The following CALN1 variants were observed in gnomAD, a reference collection of about 807,000 sequenced individuals.
CALN1 encodes the protein calcium-binding protein 8.
CALN1 carries 17 observed loss-of-function variants against 30.6 expected under a neutral mutation model. That is an observed-to-expected ratio of 0.56 (90% CI 0.38 to 0.83). The LOEUF (loss-of-function observed/expected upper bound fraction) is 0.83, where lower values mean the gene tolerates loss of function less well. CALN1 is among the 40% of genes least tolerant of loss of function. The probability of loss-of-function intolerance (pLI) is 0.00; values close to 1 mark genes in which losing one functional copy is unlikely to be tolerated. For missense variants in CALN1, 291 were observed against 354.9 expected (o/e 0.82, Z 1.45); for synonymous variants, 156 against 131.4 (o/e 1.19, Z -1.28).
At chr7:71,872,329 C>A (rs747926393) in intron 5 of CALN1, among the ~76,000 whole-genome samples, 4 of 152,048 alleles carry the variant, frequency 2.6e-5, no homozygotes, top group Non-Finnish European at 5.9e-5. Flanking sequence ...ATTTTAAGAG[C>A]CAGAGTGTTT....
intron 5 of CALN1, among the ~76,000 whole-genome samples, chr7:71,925,494 G>GT (rs1214757565): frequency 1.5e-5 from 2 of 133,494 alleles, no homozygotes; most frequent in Non-Finnish European, 3.2e-5. Context: ...GGGTTTTTTT[G>GT]GTTTTTTTTT....
intron 4 of CALN1, among the ~76,000 whole-genome samples, chr7:72,099,215 G>A (rs1049915352): frequency 4.6e-5 from 7 of 151,486 alleles, no homozygotes; most frequent in African/African-American, 9.7e-5. Flanking sequence ...TGGGGTGTAC[G>A]GACCAGGAGG....
At chr7:71,946,629 T>C (rs1403330498) in intron 5 of CALN1, among the ~76,000 whole-genome samples, 2 of 150,408 alleles carry the variant, frequency 1.3e-5, no homozygotes, top group Non-Finnish European at 3.0e-5. Context: ...CTAAAAATGC[T>C]CAGATTACAG....
intron 5 of CALN1, among the ~76,000 whole-genome samples, chr7:71,851,718 T>C (rs1790658346): frequency 1.3e-5 from 2 of 151,824 alleles, no homozygotes; most frequent in African/African-American, 2.4e-5. Context: ...AACAAACAAG[T>C]AAGAGAGAGG....
chr7:72,302,356 T>C (rs1314153420), intron 2 of CALN1, among the ~76,000 whole-genome samples: 2 of 152,198 alleles, frequency 1.3e-5, no homozygotes, highest in African/African-American at 4.8e-5. Context: ...AACGTTTTAA[T>C]GAATGGCGAT....
At chr7:72,235,396 T>C (rs1794407697) in intron 3 of CALN1, among the ~76,000 whole-genome samples, 1 of 152,220 alleles carries the variant, frequency 6.6e-6, no homozygotes, top group East Asian at 1.9e-4. Flanking sequence ...AGTATTGTCC[T>C]GGGTGCATTT....
intron 4 of CALN1, among the ~76,000 whole-genome samples, chr7:72,079,761 C>CT (rs3065015): frequency 0.075 from 7,753 of 103,830 alleles, 641 homozygotes; most frequent in Non-Finnish European, 0.089. Context: ...TGCCTTTTTC[C>CT]TTTTTTTTTT....
At chr7:72,416,894 AG>A (rs1406492097), upstream of CALN1, among the ~76,000 whole-genome samples, 1 of 152,096 alleles carries the variant, frequency 6.6e-6, no homozygotes, top group Non-Finnish European at 1.5e-5. Flanking sequence ...CTAGGCCAGG[AG>A]GCAGAGAAGT....
At chr7:71,871,772 TTA>T (rs1200120781) in intron 5 of CALN1, among the ~76,000 whole-genome samples, 1 of 152,146 alleles carries the variant, frequency 6.6e-6, no homozygotes, top group Admixed American at 6.6e-5. Flanking sequence ...CTCTCCACTC[TTA>T]TGTTTTTTTT....
At chr7:72,433,401 A>G (rs909767891) in intron 1 of CALN1, among the ~76,000 whole-genome samples, 3 of 152,124 alleles carry the variant, frequency 2.0e-5, no homozygotes, top group African/African-American at 7.2e-5. Flanking sequence ...GGGACTAAAA[A>G]ACCCAAGAGT....
intron 5 of CALN1, among the ~76,000 whole-genome samples, chr7:71,862,533 C>T (rs562128973): frequency 3.7e-4 from 56 of 152,270 alleles, no homozygotes; most frequent in African/African-American, 1.3e-3. Flanking sequence ...ATGAGGCCTC[C>T]CCAGCCATGT....
At chr7:72,414,050 A>C (rs1177514821), upstream of CALN1, among the ~76,000 whole-genome samples, 2 of 152,106 alleles carry the variant, frequency 1.3e-5, no homozygotes, top group East Asian at 3.9e-4. Context: ...TTTGGCAGCT[A>C]ATAACTTAAT....
intron 5 of CALN1, among the ~76,000 whole-genome samples, chr7:71,872,817 T>C (rs1792016617): frequency 6.6e-6 from 1 of 151,804 alleles, no homozygotes; most frequent in East Asian, 1.9e-4. Context: ...TTTCACCATG[T>C]TGGCCAGGCT....
At chr7:72,380,503 G>C (rs951933837) in intron 2 of CALN1, among the ~76,000 whole-genome samples, 2 of 152,132 alleles carry the variant, frequency 1.3e-5, no homozygotes, top group East Asian at 3.9e-4. Flanking sequence ...CGCATCTGTA[G>C]TTCCAGCTGC....
chr7:72,165,535 T>C (rs1050057236), intron 3 of CALN1, among the ~76,000 whole-genome samples: 3 of 151,694 alleles, frequency 2.0e-5, no homozygotes, highest in East Asian at 1.9e-4. Flanking sequence ...ATGCAGCAAG[T>C]TGAGATCACA....
the CALN1 span, among the ~76,000 whole-genome samples, chr7:72,493,809 C>T: frequency 1.3e-5 from 2 of 152,182 alleles, no homozygotes; most frequent in Admixed American, 1.3e-4. Flanking sequence ...TAAGGTCAAT[C>T]AATTTATTTA....
intron 5 of CALN1, among the ~76,000 whole-genome samples, chr7:71,830,710 A>T (rs918944302): frequency 6.6e-6 from 1 of 152,236 alleles, no homozygotes. Context: ...TCTTACTCAG[A>T]TACCATCACA....
chr7:71,972,937 G>A (rs942704829), intron 5 of CALN1, among the ~76,000 whole-genome samples: 3 of 152,126 alleles, frequency 2.0e-5, no homozygotes, highest in African/African-American at 7.2e-5. Flanking sequence ...CTCATGAAAA[G>A]AGGGACAGTT....
chr7:72,223,233 T>C (rs1396438216), intron 3 of CALN1, among the ~76,000 whole-genome samples: 2 of 152,126 alleles, frequency 1.3e-5, no homozygotes, highest in East Asian at 3.9e-4. Context: ...AGAGCTGAGC[T>C]TAATCTGAAA....
Sources: gnomAD v4.1 joint callset for allele counts (sites outside exome capture counted in the v4.1 genomes callset) on GRCh38, gnomAD v4.1.1 for gene constraint, MANE v1.5 for transcripts, NCBI Gene and HGNC (gene_info 2026-07-23, HGNC 2026-07-21) for gene names.